Variants in SNAPC1 observed in about 807,000 individuals in gnomAD.
The protein encoded by SNAPC1 is small nuclear RNA activating complex polypeptide 1, also known as snRNA-activating protein complex subunit 1.
SNAPC1 carries 42 observed loss-of-function variants against 50.1 expected under a neutral mutation model. That is an observed-to-expected ratio of 0.84 (90% CI 0.65 to 1.08). The LOEUF (loss-of-function observed/expected upper bound fraction) is 1.08, where lower values mean the gene tolerates loss of function less well. Ranked by LOEUF, SNAPC1 falls within the 50% of genes least tolerant of loss-of-function variation. The probability of loss-of-function intolerance (pLI) is 0.00; values close to 1 mark genes in which losing one functional copy is unlikely to be tolerated. For synonymous variants in SNAPC1, 164 were observed against 144.2 expected (o/e 1.14, Z -0.98); for missense variants, 477 against 427.3 (o/e 1.12, Z -1.02).
chr14:61,763,110 A>C (rs1052787917), intron 1 of SNAPC1, among the ~76,000 whole-genome samples: 1 of 145,848 alleles, frequency 6.9e-6, no homozygotes, highest in Non-Finnish European at 1.5e-5. Flanking sequence ...TCTTGCCTCA[A>C]CCTCCGGAGT....
In SNAPC1 at chr14:61,778,088, C is replaced by A. The variant is rs1426435773; in HGVS notation, c.710C>A (p.Ser237Ter). 1.3e-6 allele frequency: 2 copies of A among 1,597,166 alleles called. No individual in the cohort carries two copies. The highest frequency in any genetic ancestry group is 1.1e-5 in the South Asian group (1 of 88,790). Residue 237 changes from serine (S) to a stop codon, truncating the protein, a stop_gained, in exon 6 of 10, where the codon TCA (serine) becomes TAA (stop). Transcript: ENST00000216294. LOFTEE classifies it high-confidence loss of function. ...HKDRKNPSLK[S>*]KTNDGEEKME... ...CTCTTTTAGAATCCATCCTTAAAGT[C>A]AAAAACTAATGATGGAGAAGAAAAA... is the stretch of plus-strand genomic sequence containing the variant.
chr14:61,787,663 G>A (rs2045124683), intron 8 of SNAPC1, among the ~76,000 whole-genome samples: 1 of 152,218 alleles, frequency 6.6e-6, no homozygotes, highest in South Asian at 2.1e-4. Flanking sequence ...AATGGTTGAA[G>A]TACTGCCGCT....
chr14:61,795,780 A>G lies in SNAPC1; in HGVS notation c.*797A>G, dbSNP rs2045185186. 2 of 151,298 alleles carry G rather than the reference A, an allele frequency of 1.3e-5. No individual in the cohort carries two copies. 9.4% of individuals were successfully genotyped at this position (151,298 alleles called of 1,614,324 possible). A position where few individuals can be genotyped will look rare whatever the true frequency, so the allele number is the denominator to read the frequency against. ...TTAATTTCTTGTTCCAGACATTTTA[A>G]TAGAGATTGCTTGAGCCATGTTGTT... is the stretch of plus-strand genomic sequence containing the variant. On this transcript the variant is annotated 3_prime_UTR_variant, in exon 10 of 10. Coordinates refer to ENST00000216294, the MANE Select transcript of SNAPC1 (RefSeq NM_003082.4).
intron 7 of SNAPC1, 36 bp downstream of exon 7, chr14:61,778,946 A>G: frequency 8.7e-7 from 1 of 1,154,108 alleles, no homozygotes; most frequent in Non-Finnish European, 1.3e-6. Context: ...TTGGAAATTG[A>G]CTGCTTTTTA....
chr14:61,794,512 TCTC>T (rs1308000524), intron 9 of SNAPC1, among the ~76,000 whole-genome samples: 7 of 152,276 alleles, frequency 4.6e-5, no homozygotes, highest in East Asian at 1.9e-4. Flanking sequence ...TTCAAGCAAT[TCTC>T]CTGCTTCAGC....
chr14:61,774,824 C>T (rs780902125), intron 4 of SNAPC1, among the ~76,000 whole-genome samples: 11 of 151,882 alleles, frequency 7.2e-5, no homozygotes, highest in Non-Finnish European at 7.4e-5. Flanking sequence ...CCACCACACC[C>T]GGCTAACTTT....
intron 4 of SNAPC1, among the ~76,000 whole-genome samples, chr14:61,773,618 G>C (rs1373116326): frequency 6.6e-6 from 1 of 150,572 alleles, no homozygotes; most frequent in African/African-American, 2.4e-5. Context: ...GGATGGTCTT[G>C]ATCTCCTGAC....
intron 1 of SNAPC1, among the ~76,000 whole-genome samples, chr14:61,763,239 C>A (rs112641995): frequency 0.35 from 52,552 of 151,466 alleles, 9,561 homozygotes; most frequent in African/African-American, 0.45. Flanking sequence ...GACCCGCCCG[C>A]CTCGGCCTCC....
intron 4 of SNAPC1, among the ~76,000 whole-genome samples, chr14:61,775,478 A>T (rs1347026077): frequency 3.3e-5 from 5 of 150,258 alleles, no homozygotes; most frequent in African/African-American, 9.8e-5. Context: ...CTGGTCTTGA[A>T]CTCCTGATCT....
chr14:61,778,029 TTGTA>T, intron 5 of SNAPC1, 39 bp from the exon 6 acceptor site: 1 of 914,158 alleles, frequency 1.1e-6, no homozygotes, highest in Admixed American at 2.8e-5. Context: ...AATTGTAAAT[TTGTA>T]TGTGTGTATG....
chr14:61,775,929 A>G (rs868129236), intron 4 of SNAPC1, among the ~76,000 whole-genome samples, 166 bp from the exon 5 acceptor site: 31 of 152,186 alleles, frequency 2.0e-4, no homozygotes, highest in African/African-American at 7.5e-4. Flanking sequence ...ATGTTAATGA[A>G]GTTGTACTAT....
At chr14:61,793,856 G>A (rs1007392450) in intron 9 of SNAPC1, among the ~76,000 whole-genome samples, 6 of 151,820 alleles carry the variant, frequency 4.0e-5, no homozygotes, top group Non-Finnish European at 7.4e-5. Flanking sequence ...GGGTTTCACC[G>A]TGTTGGGCAG....
At chr14:61,766,700 C>T (rs561477939) in intron 1 of SNAPC1, among the ~76,000 whole-genome samples, 176 bp from the exon 2 acceptor site, 1 of 152,264 alleles carries the variant, frequency 6.6e-6, no homozygotes, top group South Asian at 2.1e-4. Context: ...TCATGTTTAC[C>T]TAGTAGTTGC....
At chr14:61,766,617 C>T (rs577224096) in intron 1 of SNAPC1, among the ~76,000 whole-genome samples, 1 of 152,198 alleles carries the variant, frequency 6.6e-6, no homozygotes, top group East Asian at 1.9e-4. Flanking sequence ...AATATTTAAC[C>T]AATAGTAATT....
chr14:61,769,589 G>T (rs572383700), intron 4 of SNAPC1, among the ~76,000 whole-genome samples: 1 of 151,898 alleles, frequency 6.6e-6, no homozygotes, highest in South Asian at 2.1e-4. Flanking sequence ...GGTAGAAACA[G>T]GGTTTTGCCG....
intron 1 of SNAPC1, 24 bp downstream of exon 1, chr14:61,762,612 C>T (rs767023427): frequency 1.2e-6 from 2 of 1,611,620 alleles, no homozygotes; most frequent in Non-Finnish European, 8.5e-7. Context: ...GTCCACCACC[C>T]GCCTCTCCCT....
intron 4 of SNAPC1, among the ~76,000 whole-genome samples, chr14:61,775,166 G>A (rs919847109): frequency 6.6e-6 from 1 of 152,078 alleles, no homozygotes; most frequent in Admixed American, 6.5e-5. Flanking sequence ...TTACCCCACA[G>A]ATCTGCCCAT....
At chr14:61,762,708 G>C in intron 1 of SNAPC1, 120 bp downstream of exon 1, 1 of 1,196,032 alleles carries the variant, frequency 8.4e-7, no homozygotes, top group Non-Finnish European at 1.2e-6. Context: ...ACCGAAGGTT[G>C]CCTCCATGAC....
At chr14:61,764,070 G>C (rs1243929660) in intron 1 of SNAPC1, among the ~76,000 whole-genome samples, 2 of 152,102 alleles carry the variant, frequency 1.3e-5, no homozygotes, top group Admixed American at 1.3e-4. Flanking sequence ...GAGTAGCTGG[G>C]ACTACGGCTT....
Sources: allele counts gnomAD v4.1 joint callset (sites outside exome capture counted in the v4.1 genomes callset), GRCh38; gene constraint gnomAD v4.1.1; transcripts MANE v1.5; gene names NCBI Gene and HGNC (gene_info 2026-07-23, HGNC 2026-07-21).